Variants in CCDC171 observed in about 807,000 individuals in gnomAD.
CCDC171 encodes coiled-coil domain-containing protein 171.
A neutral mutation model predicts 168.2 loss-of-function variants in CCDC171; 177 were observed. The observed-to-expected ratio is 1.05, with a 90% CI of 0.93 to 1.19. The LOEUF is 1.19. CCDC171 is among the 50% of genes most tolerant of loss of function. The pLI is 0.00. For synonymous variants in CCDC171, 687 were observed against 540.8 expected (o/e 1.27, Z -3.75); for missense variants, 1,991 against 1,539.0 (o/e 1.29, Z -4.91).
At chr9:15,989,124 T>G (rs570318282) in intron 3 of CCDC171, among the ~76,000 whole-genome samples, 4 of 152,182 alleles carry the variant, frequency 2.6e-5, no homozygotes, top group Admixed American at 1.3e-4. Context: ...ATGGACAGAC[T>G]GCCTCCTCAA....
intron 10 of CCDC171, among the ~76,000 whole-genome samples, chr9:15,683,672 G>A (rs891329981): frequency 6.6e-6 from 1 of 151,846 alleles, no homozygotes; most frequent in Non-Finnish European, 1.5e-5. Flanking sequence ...TTATGGTATA[G>A]GCATAAAGCT....
intron 25 of CCDC171, among the ~76,000 whole-genome samples, chr9:15,923,933 G>A (rs1425248433): frequency 6.6e-6 from 1 of 151,292 alleles, no homozygotes; most frequent in Admixed American, 6.6e-5. Context: ...TAACATTCCA[G>A]TGAGAAGGAT....
chr9:15,682,745 A>T (rs929919234), intron 10 of CCDC171, among the ~76,000 whole-genome samples: 1 of 152,008 alleles, frequency 6.6e-6, no homozygotes, highest in African/African-American at 2.4e-5. Context: ...ATTTATTTTC[A>T]TGTTTACATG....
At chr9:15,949,197 C>T (rs1404453660) in intron 25 of CCDC171, among the ~76,000 whole-genome samples, 1 of 152,112 alleles carries the variant, frequency 6.6e-6, no homozygotes, top group African/African-American at 2.4e-5. Context: ...AGTTTTGGTA[C>T]CAGTACCATG....
At chr9:15,814,469 C>A (rs1035730011) in intron 21 of CCDC171, among the ~76,000 whole-genome samples, 1 of 152,080 alleles carries the variant, frequency 6.6e-6, no homozygotes, top group Non-Finnish European at 1.5e-5. Context: ...GGGAATAGTA[C>A]AGAAACTGTT....
intron 1 of CCDC171, among the ~76,000 whole-genome samples, chr9:16,044,479 G>A (rs1184808579): frequency 7.4e-5 from 9 of 122,214 alleles, no homozygotes; most frequent in African/African-American, 1.0e-4. Context: ...AAAAACCACA[G>A]GAGAAAAAAA....
chr9:15,569,188 A>G (rs1339679899), intron 2 of CCDC171, among the ~76,000 whole-genome samples: 4 of 152,098 alleles, frequency 2.6e-5, no homozygotes, highest in Admixed American at 6.6e-5. Flanking sequence ...GAATCCGCCT[A>G]TTTCCATGGA....
chr9:15,588,332 T>C, intron 4 of CCDC171: 1 of 223,480 alleles, frequency 4.5e-6, no homozygotes, highest in Non-Finnish European at 9.6e-6. Context: ...CATCTGGTGC[T>C]ACGTCTTAGC....
the CCDC171 span, among the ~76,000 whole-genome samples, chr9:16,095,464 C>G: frequency 6.6e-6 from 1 of 152,086 alleles, no homozygotes; most frequent in Non-Finnish European, 1.5e-5. Flanking sequence ...CTTTCTTTCT[C>G]TCTCCCCACT....
At chr9:16,068,779 G>A in the CCDC171 span, among the ~76,000 whole-genome samples, 26 of 152,124 alleles carry the variant, frequency 1.7e-4, no homozygotes, top group Non-Finnish European at 2.9e-4. Context: ...GCCAGGATAC[G>A]ATGTATTCTG....
intron 11 of CCDC171, among the ~76,000 whole-genome samples, chr9:15,710,547 C>T (rs371751240): frequency 2.6e-5 from 4 of 152,020 alleles, no homozygotes; most frequent in South Asian, 2.1e-4. Flanking sequence ...ATGATCCGCC[C>T]GCCTCGACCT....
At chr9:16,049,854 A>G (rs1185614181) in intron 1 of CCDC171, among the ~76,000 whole-genome samples, 5 of 152,220 alleles carry the variant, frequency 3.3e-5, no homozygotes, top group East Asian at 3.9e-4. Flanking sequence ...TATAGATTTG[A>G]TATCAGGGAA....
downstream of CCDC171, among the ~76,000 whole-genome samples, chr9:16,066,369 G>A (rs534805040): frequency 6.6e-6 from 1 of 152,150 alleles, no homozygotes; most frequent in East Asian, 1.9e-4. Flanking sequence ...TATAGATAAA[G>A]TGCAAATACT....
intron 25 of CCDC171, among the ~76,000 whole-genome samples, chr9:15,950,345 A>T (rs929545143): frequency 6.6e-6 from 1 of 152,174 alleles, no homozygotes; most frequent in Non-Finnish European, 1.5e-5. Context: ...AGTTGAAATG[A>T]AGGAAAAAAT....
chr9:16,053,228 G>A (rs1002040944), intron 1 of CCDC171, among the ~76,000 whole-genome samples: 3 of 152,228 alleles, frequency 2.0e-5, no homozygotes, highest in South Asian at 4.1e-4. Context: ...GTGCTCAGGG[G>A]ACCTGCCCAA....
chr9:16,093,264 T>C, the CCDC171 span, among the ~76,000 whole-genome samples: 1 of 152,208 alleles, frequency 6.6e-6, no homozygotes, highest in Non-Finnish European at 1.5e-5. Context: ...CTTCCCTCAC[T>C]GATCCTTATC....
chr9:15,657,328 A>G, intron 8 of CCDC171, 109 bp downstream of exon 8: 1 of 626,436 alleles, frequency 1.6e-6, no homozygotes, highest in East Asian at 2.9e-5. Context: ...AGAATGGGTA[A>G]CATATTGTTA....
At chr9:15,840,517 G>T (rs1255616083) in intron 21 of CCDC171, among the ~76,000 whole-genome samples, 2 of 152,010 alleles carry the variant, frequency 1.3e-5, no homozygotes, top group Non-Finnish European at 2.9e-5. Context: ...TTAGGTATTT[G>T]CCAAGAGAAT....
At chr9:16,102,079 C>A in the CCDC171 span, among the ~76,000 whole-genome samples, 1 of 152,222 alleles carries the variant, frequency 6.6e-6, no homozygotes, top group Non-Finnish European at 1.5e-5. Flanking sequence ...TCCCTGCATC[C>A]TGTGGTCTCC....
Sources: gnomAD v4.1 joint callset for allele counts (sites outside exome capture counted in the v4.1 genomes callset) on GRCh38, gnomAD v4.1.1 for gene constraint, MANE v1.5 for transcripts, NCBI Gene and HGNC (gene_info 2026-07-23, HGNC 2026-07-21) for gene names.